The following CAMK2D variants were observed in gnomAD, a reference collection of about 807,000 sequenced individuals.
CAMK2D encodes calcium/calmodulin-dependent protein kinase type II subunit delta.
Under a neutral mutation model 84.0 loss-of-function variants are expected in CAMK2D, and 37 were observed. That is an observed-to-expected ratio of 0.44 (90% CI 0.34 to 0.58). The LOEUF (loss-of-function observed/expected upper bound fraction) is 0.58, where lower values mean the gene tolerates loss of function less well. Ranked by LOEUF, CAMK2D falls within the 20% of genes least tolerant of loss-of-function variation. The probability of loss-of-function intolerance (pLI) is 0.02; values close to 1 mark genes in which losing one functional copy is unlikely to be tolerated. For missense variants in CAMK2D, 448 were observed against 652.5 expected, an observed-to-expected ratio of 0.69 and a Z score of 3.41; for synonymous variants, 202 against 212.5, an observed-to-expected ratio of 0.95 and a Z score of 0.43.
At position 113,626,046 on chromosome 4, in the gene CAMK2D, G is replaced by C. The variant is rs530884987; in HGVS notation, c.221-16840C>G. ...AAAAAAAGTCAGGTAAAAGATAACAGAGTTTCAAACCAGGGTGGTGACACC... is the reference window on the plus strand; with the variant it reads ...AAAAAAAGTCAGGTAAAAGATAACACAGTTTCAAACCAGGGTGGTGACACC... On this transcript the variant is annotated intron_variant, in intron 3 of 20. Transcript: ENST00000511664. Among the ~76,000 whole-genome samples the C allele has an allele frequency of 2.0e-5, 3 of 151,724 alleles. No homozygotes were observed. In the East Asian group the frequency reaches 5.8e-4, roughly 29 times the overall value.
intron 16 of CAMK2D, among the ~76,000 whole-genome samples, chr4:113,476,466 G>C (rs1011820969): frequency 6.6e-6 from 1 of 151,880 alleles, no homozygotes; most frequent in African/African-American, 2.4e-5. Context: ...GCTCATTCCT[G>C]GGTGTAAACC....
intron 3 of CAMK2D, among the ~76,000 whole-genome samples, chr4:113,620,973 C>CA (rs1268359379): frequency 2.0e-5 from 3 of 151,976 alleles, no homozygotes; most frequent in African/African-American, 7.3e-5. Flanking sequence ...CTCTGTTACC[C>CA]AGGCTGGAGT....
chr4:113,752,339 T>C (rs976781115), intron 2 of CAMK2D, among the ~76,000 whole-genome samples: 1 of 152,104 alleles, frequency 6.6e-6, no homozygotes, highest in Admixed American at 6.5e-5. Context: ...ATTAACTGTA[T>C]ATAAATATTA....
chr4:113,469,477 CA>C (rs2097522079), intron 16 of CAMK2D, among the ~76,000 whole-genome samples: 1 of 152,188 alleles, frequency 6.6e-6, no homozygotes, highest in Admixed American at 6.5e-5. Context: ...TCTAAAGACT[CA>C]ATTTGAGTCC....
chr4:113,535,504 T>C (rs1373013796), intron 7 of CAMK2D, among the ~76,000 whole-genome samples: 1 of 152,166 alleles, frequency 6.6e-6, no homozygotes, highest in African/African-American at 2.4e-5. Flanking sequence ...CCCTCTCTTC[T>C]AAAAATGTTT....
intron 2 of CAMK2D, among the ~76,000 whole-genome samples, chr4:113,712,208 A>G (rs2040744): frequency 0.72 from 109,367 of 152,018 alleles, 40,323 homozygotes; most frequent in African/African-American, 0.88. Context: ...AATCTCTAAG[A>G]GATAGAAGCA....
In CAMK2D at chr4:113,623,402, A is replaced by C. The variant is rs193239560; in HGVS notation, c.221-14196T>G. On this transcript the variant is annotated intron_variant, in intron 3 of 20. Coordinates refer to ENST00000511664, the MANE Select transcript of CAMK2D (RefSeq NM_001321571.2). ...TGTATATACACACACACACACACACACCCACACAGACACAAACACTTATAG... is the reference window on the plus strand; with the variant it reads ...TGTATATACACACACACACACACACCCCCACACAGACACAAACACTTATAG... Among the ~76,000 whole-genome samples, 625 of 151,288 alleles carry C rather than the reference A, an allele frequency of 4.1e-3. 5 individuals are homozygous for C. Among genetic ancestry groups the C allele is most frequent in the African/African-American group, 0.013 (551 of 41,426 alleles).
At chr4:113,748,755 T>C (rs1201118467) in intron 2 of CAMK2D, among the ~76,000 whole-genome samples, 1 of 152,064 alleles carries the variant, frequency 6.6e-6, no homozygotes, top group Non-Finnish European at 1.5e-5. Context: ...TAACAGTGCT[T>C]GTTTGGGGGA....
At chr4:113,622,346 G>C (rs914210851) in intron 3 of CAMK2D, among the ~76,000 whole-genome samples, 1 of 152,084 alleles carries the variant, frequency 6.6e-6, no homozygotes, top group Non-Finnish European at 1.5e-5. Context: ...CAGTAAACCA[G>C]GACAGCCCCT....
intron 3 of CAMK2D, among the ~76,000 whole-genome samples, chr4:113,628,184 C>A (rs539949248): frequency 6.6e-6 from 1 of 152,102 alleles, no homozygotes; most frequent in Non-Finnish European, 1.5e-5. Context: ...TTTGTAGATA[C>A]GACCTTTCTA....
Position 113,622,588 on chromosome 4 carries a change from C to T in CAMK2D, c.221-13382G>A, listed in dbSNP as rs77264253. On this transcript the variant is annotated intron_variant, in intron 3 of 20. Coordinates refer to ENST00000511664, the MANE Select transcript of CAMK2D (RefSeq NM_001321571.2). Reference sequence around the variant, plus strand: ...GAGACCAGCCCGGGCCACAAAGTGACGCCCCATCTCTACAAAACATTTTTT... The same window carrying T: ...GAGACCAGCCCGGGCCACAAAGTGATGCCCCATCTCTACAAAACATTTTTT... 4.3e-3 allele frequency among the ~76,000 whole-genome samples: 647 copies of T among 152,232 alleles called. 7 individuals are homozygous for T. Among genetic ancestry groups the T allele is most frequent in the African/African-American group, 0.015 (609 of 41,544 alleles).
At chr4:113,717,865 C>G (rs1028157356) in intron 2 of CAMK2D, among the ~76,000 whole-genome samples, 2 of 151,822 alleles carry the variant, frequency 1.3e-5, no homozygotes, top group Non-Finnish European at 2.9e-5. Flanking sequence ...AAGAGTATAA[C>G]CTACTATATC....
intron 4 of CAMK2D, among the ~76,000 whole-genome samples, chr4:113,569,924 TAAAC>T (rs1561042974): frequency 6.6e-6 from 1 of 152,062 alleles, no homozygotes; most frequent in African/African-American, 2.4e-5. Flanking sequence ...GTTCTGCTAA[TAAAC>T]AAATTTAGTA....
chr4:113,695,631 T>A (rs2154344295), intron 2 of CAMK2D, among the ~76,000 whole-genome samples: 1 of 152,202 alleles, frequency 6.6e-6, no homozygotes, highest in South Asian at 2.1e-4. Context: ...TTTCAAAATA[T>A]AACCAGAATA....
At chr4:113,570,968 T>C (rs1455990124) in intron 4 of CAMK2D, among the ~76,000 whole-genome samples, 1 of 152,096 alleles carries the variant, frequency 6.6e-6, no homozygotes, top group African/African-American at 2.4e-5. Context: ...AATAACCTGA[T>C]TAAAAAATGG....
At chr4:113,530,788 G>A (rs1315037248) in intron 8 of CAMK2D, among the ~76,000 whole-genome samples, 1 of 152,160 alleles carries the variant, frequency 6.6e-6, no homozygotes, top group Non-Finnish European at 1.5e-5. Context: ...ACAACTGTGA[G>A]AAATAAATTT....
At chr4:113,756,400 T>C (rs1192578637) in intron 2 of CAMK2D, among the ~76,000 whole-genome samples, 1 of 151,984 alleles carries the variant, frequency 6.6e-6, no homozygotes, top group East Asian at 1.9e-4. Flanking sequence ...TACAGAGTCA[T>C]GGAATTTCAA....
intron 1 of CAMK2D, 104 bp from the exon 2 acceptor site, chr4:113,759,518 AAGT>A: frequency 1.7e-6 from 1 of 601,118 alleles, no homozygotes; most frequent in Middle Eastern, 3.6e-4. Flanking sequence ...ATTGCCAGTG[AAGT>A]ACAGTAATAT....
At chr4:113,605,942 A>T (rs749172032) in intron 4 of CAMK2D, among the ~76,000 whole-genome samples, 14 of 152,206 alleles carry the variant, frequency 9.2e-5, no homozygotes, top group Non-Finnish European at 1.6e-4. Context: ...CATATCAAGA[A>T]CCAGGAAAAT....
Sources: allele counts gnomAD v4.1 joint callset (sites outside exome capture counted in the v4.1 genomes callset), GRCh38; gene constraint gnomAD v4.1.1; transcripts MANE v1.5; gene names NCBI Gene and HGNC (gene_info 2026-07-23, HGNC 2026-07-21).